THADA: variants seen among roughly 807,000 people sequenced by gnomAD.
The protein encoded by THADA is tRNA (32-2'-O)-methyltransferase regulator THADA.
Under a neutral mutation model 219.8 loss-of-function variants are expected in THADA, and 213 were observed. That is an observed-to-expected ratio of 0.97 (90% confidence interval 0.87 to 1.09). The LOEUF is 1.09. Ranked by LOEUF, THADA falls within the 50% of genes least tolerant of loss-of-function variation. THADA has a pLI of 0.00. For missense variants in THADA, 2,956 were observed against 2,311.3 expected, an observed-to-expected ratio of 1.28 and a Z score of -5.72; for synonymous variants, 1,018 against 828.9, an observed-to-expected ratio of 1.23 and a Z score of -3.92.
chr2:43,595,061 G>C (rs558397558), intron 1 of THADA, among the ~76,000 whole-genome samples: 77 of 152,310 alleles, frequency 5.1e-4, no homozygotes, highest in Admixed American at 1.4e-3. Flanking sequence ...TTCCAAACCA[G>C]TGCCTGGCAC....
chr2:43,586,911 A>G lies in THADA; in HGVS notation c.394T>C (p.Tyr132His), dbSNP rs375237551. The change falls in exon 5 of 38, where the codon TAC (tyrosine) becomes CAC (histidine). Residue 132 changes from tyrosine to histidine, a missense_variant. Coordinates refer to ENST00000405975, the MANE Select transcript of THADA (RefSeq NM_022065.5). The stretch of plus-strand genomic sequence containing the variant: ...TTGTCAGTAACTTTCCTGTAAGAGT[A>G]TAAGTCAGTAGTATTCAATTCTTCC... ...LQEELNTTDL[Y>H]SYRKVTDNIS... is the part of the protein sequence containing the mutation. The G allele has an allele frequency of 1.3e-5, 21 of 1,613,798 alleles. No homozygotes were observed. The highest frequency in any genetic ancestry group is 1.1e-4 in the African/African-American group (8 of 74,936).
chr2:43,448,901 AAAAC>A (rs1209745056), intron 26 of THADA, among the ~76,000 whole-genome samples: 34 of 152,146 alleles, frequency 2.2e-4, no homozygotes, highest in Non-Finnish European at 4.4e-4. Flanking sequence ...CAACAACAAC[AAAAC>A]AAACAAACAA....
In THADA at chr2:43,577,044, CAT is replaced by C. The variant is rs1212518256; in HGVS notation, c.1013_1014del (p.His338ArgfsTer10). ...SGEALLLDTA[H>X]VLFTLSSQIK... ...CACTGTGAACTCAAGGTGAACAAAA[CAT>C]GTGCAGTATCCAAGAGCAGGGCCTC... On this transcript the variant is annotated frameshift_variant, in exon 10 of 38. Transcript: ENST00000405975. LOFTEE classifies it high-confidence loss of function. The C allele has an allele frequency of 6.8e-6, 11 of 1,613,174 alleles. No individual in the cohort carries two copies. The highest frequency in any genetic ancestry group is 1.7e-5 in the Admixed American group (1 of 59,900).
At chr2:43,510,915 G>A (rs1002751642) in intron 22 of THADA, among the ~76,000 whole-genome samples, 21 of 151,212 alleles carry the variant, frequency 1.4e-4, no homozygotes, top group East Asian at 1.9e-4. Context: ...AGACTGCAGC[G>A]AGCCAAGATG....
chr2:43,313,165 A>G (rs139757677), intron 31 of THADA, among the ~76,000 whole-genome samples: 12 of 152,340 alleles, frequency 7.9e-5, no homozygotes, highest in African/African-American at 2.6e-4. Flanking sequence ...CATTTCTCAC[A>G]GATTTTACCA....
At chr2:43,304,728 G>A (rs1364602357) in intron 31 of THADA, among the ~76,000 whole-genome samples, 1 of 149,944 alleles carries the variant, frequency 6.7e-6, no homozygotes, top group Non-Finnish European at 1.5e-5. Context: ...CTGGAGTGCA[G>A]TGGTGCAATC....
intron 28 of THADA, among the ~76,000 whole-genome samples, chr2:43,424,701 A>G (rs1014448956): frequency 2.0e-5 from 3 of 152,246 alleles, no homozygotes; most frequent in African/African-American, 4.8e-5. Flanking sequence ...ATTTTGGGGT[A>G]GCATGGGTTT....
chr2:43,358,474 C>G (rs537469199), intron 29 of THADA, among the ~76,000 whole-genome samples: 1 of 152,292 alleles, frequency 6.6e-6, no homozygotes, highest in South Asian at 2.1e-4. Flanking sequence ...GAAGGCTGTT[C>G]ATGGGGGAGA....
In THADA at chr2:43,345,122, A is replaced by C. The variant is rs535488256; in HGVS notation, c.4228-885T>G. Among the ~76,000 whole-genome samples the C allele has an allele frequency of 2.8e-4, 43 of 152,242 alleles. 1 individual carries two copies. The highest frequency in any genetic ancestry group is 4.7e-4 in the Non-Finnish European group (32 of 68,042). ...AGAACTCTGAAAGTCTATTTTAATAACATCTGTTTTCTTTCCCTATTATAT... is the reference window on the plus strand; with the variant it reads ...AGAACTCTGAAAGTCTATTTTAATACCATCTGTTTTCTTTCCCTATTATAT... On this transcript the variant is annotated intron_variant, in intron 29 of 37. Transcript: ENST00000405975.
At chr2:43,273,120 G>A (rs1471645648) in intron 36 of THADA, among the ~76,000 whole-genome samples, 1 of 152,072 alleles carries the variant, frequency 6.6e-6, no homozygotes, top group Non-Finnish European at 1.5e-5. Context: ...ATGGTGGTGT[G>A]TGTCTGTAAT....
chr2:43,386,868 C>T (rs1035480596), intron 29 of THADA, among the ~76,000 whole-genome samples: 5 of 144,826 alleles, frequency 3.5e-5, no homozygotes, highest in African/African-American at 5.2e-5. Flanking sequence ...ACTGCACTCT[C>T]GCCTGGGCTA....
intron 16 of THADA, among the ~76,000 whole-genome samples, chr2:43,558,929 T>C (rs1245833192): frequency 2.0e-5 from 3 of 152,188 alleles, no homozygotes; most frequent in African/African-American, 7.2e-5. Context: ...TTGAATTCTA[T>C]GGCTAGTGTC....
chr2:43,308,229 A>G (rs1460665661), intron 31 of THADA, among the ~76,000 whole-genome samples: 1 of 152,174 alleles, frequency 6.6e-6, no homozygotes, highest in Non-Finnish European at 1.5e-5. Flanking sequence ...ATACGCTGCA[A>G]AAGAAAAAGT....
At chr2:43,544,581 G>A (rs1477906602) in intron 20 of THADA, among the ~76,000 whole-genome samples, 1 of 151,760 alleles carries the variant, frequency 6.6e-6, no homozygotes, top group Admixed American at 6.6e-5. Context: ...TCCTTGAAGA[G>A]GTCCTTCACG....
chr2:43,435,516 C>T (rs1334514113), intron 26 of THADA, among the ~76,000 whole-genome samples: 1 of 151,986 alleles, frequency 6.6e-6, no homozygotes, highest in Non-Finnish European at 1.5e-5. Context: ...AGCAAGGTGG[C>T]TCATGCCTGC....
rs1326166858 is a variant in THADA at position 43,400,462 on chromosome 2, TATATATATATATATAA to T, written c.4059-2339_4059-2324del. Among the ~76,000 whole-genome samples, 75 of 142,274 alleles carry T rather than the reference TATATATATATATATAA, an allele frequency of 5.3e-4. 3 individuals are homozygous for T. In the Middle Eastern group the frequency reaches 0.015, roughly 28 times the overall value. 93.3% of individuals were successfully genotyped at this position (142,274 alleles called of 152,430 possible). A position where few individuals can be genotyped will look rare whatever the true frequency, so the allele number is the denominator to read the frequency against. ...AGATTAGATCATAGACAAATTTATA[TATATATATATATATAA>T]ATATATACACTAAGAAAAAAAATTT... On this transcript the variant is annotated intron_variant, in intron 28 of 37. Transcript: ENST00000405975.
At chr2:43,366,950 C>T (rs1670224510) in intron 29 of THADA, among the ~76,000 whole-genome samples, 1 of 151,898 alleles carries the variant, frequency 6.6e-6, no homozygotes, top group Non-Finnish European at 1.5e-5. Flanking sequence ...ATCAAAAGTT[C>T]ACTGACAGAA....
rs77526904 is a variant in THADA at position 43,261,088 on chromosome 2, A to G, written c.5296+18677T>C. Among the ~76,000 whole-genome samples, 11 of 152,146 alleles carry G rather than the reference A, an allele frequency of 7.2e-5. No homozygotes were observed. In the East Asian group the frequency reaches 1.4e-3, roughly 19 times the overall value. Reference sequence around the variant, plus strand: ...GCCTGTTATTTTGTGGATAACTTTTATCATTATCCAATGCTTCTCTTCCTG... The same window carrying G: ...GCCTGTTATTTTGTGGATAACTTTTGTCATTATCCAATGCTTCTCTTCCTG... On this transcript the variant is annotated intron_variant, in intron 36 of 37. Transcript: ENST00000405975.
In THADA at chr2:43,404,819, A is replaced by C. The variant is rs375899363; in HGVS notation, c.4059-6680T>G. ...GTGTGTGACTTTAGATAAGTCAGTAAACCTAGGTTTGTACCTTCTATAAAT... is the reference window on the plus strand; with the variant it reads ...GTGTGTGACTTTAGATAAGTCAGTACACCTAGGTTTGTACCTTCTATAAAT... On this transcript the variant is annotated intron_variant, in intron 28 of 37. Coordinates refer to ENST00000405975, the MANE Select transcript of THADA (RefSeq NM_022065.5). Among the ~76,000 whole-genome samples, 23 of 152,330 alleles carry C rather than the reference A, an allele frequency of 1.5e-4. 1 individual carries two copies. The South Asian group carries it at 4.6e-3, about 30-fold the overall frequency.
Sources: allele counts gnomAD v4.1 joint callset (sites outside exome capture counted in the v4.1 genomes callset), GRCh38; gene constraint gnomAD v4.1.1; transcripts MANE v1.5; gene names NCBI Gene and HGNC (gene_info 2026-07-23, HGNC 2026-07-21).